Variants in ENTPD1 observed in about 807,000 individuals in gnomAD.
ENTPD1 encodes the protein ATP diphosphohydrolase.
In ENTPD1, 33 loss-of-function variants were observed where a neutral mutation model predicts 57.0. The observed-to-expected ratio is 0.58, with a 90% CI of 0.44 to 0.77. The LOEUF (loss-of-function observed/expected upper bound fraction) is 0.77. ENTPD1 is among the 30% of genes least tolerant of loss of function. ENTPD1 has a pLI of 0.00. For synonymous variants in ENTPD1, 202 were observed against 218.8 expected, an observed-to-expected ratio of 0.92 and a Z score of 0.68; for missense variants, 501 against 603.4, an observed-to-expected ratio of 0.83 and a Z score of 1.78.
At chr10:95,715,141 T>C (rs1017358046) in intron 1 of ENTPD1, among the ~76,000 whole-genome samples, 1 of 152,260 alleles carries the variant, frequency 6.6e-6, no homozygotes, top group African/African-American at 2.4e-5. Context: ...ATTTATTTTT[T>C]GTGAACTTTA....
intron 1 of ENTPD1, among the ~76,000 whole-genome samples, chr10:95,747,756 A>T (rs959500554): frequency 6.6e-6 from 1 of 152,182 alleles, no homozygotes; most frequent in African/African-American, 2.4e-5. Context: ...TTGCTGCCTG[A>T]TTATTACACA....
chr10:95,710,269 G>A (rs2097964473), upstream of ENTPD1, among the ~76,000 whole-genome samples: 1 of 152,060 alleles, frequency 6.6e-6, no homozygotes, highest in Admixed American at 6.5e-5. Context: ...GCCGGGTGTG[G>A]TGGTGCTGGC....
intron 7 of ENTPD1, among the ~76,000 whole-genome samples, chr10:95,856,543 C>T (rs1184663131): frequency 1.3e-5 from 2 of 152,006 alleles, no homozygotes; most frequent in African/African-American, 4.8e-5. Flanking sequence ...CACTTGCACA[C>T]ACATGTTCAC....
upstream of ENTPD1, among the ~76,000 whole-genome samples, chr10:95,710,455 C>A (rs1297627291): frequency 1.3e-5 from 2 of 151,952 alleles, no homozygotes; most frequent in East Asian, 3.9e-4. Flanking sequence ...TGTAATTTAT[C>A]TAAATTATTG....
At chr10:95,694,415 C>CT in the ENTPD1 span, among the ~76,000 whole-genome samples, 151 of 90,734 alleles carry the variant, frequency 1.7e-3, no homozygotes, top group East Asian at 0.019. Flanking sequence ...CTAAATATGG[C>CT]TTTTTTAAAA....
rs74491174 is a variant in ENTPD1, at chr10:95,832,539, A to G, written c.145-7152A>G. ...CTTCCTTGTCTACTCGTAACTGAAC[A>G]CTGGCAGTTAGTGGTTGTCAGATAT... is the stretch of plus-strand genomic sequence containing the variant. On this transcript the variant is annotated intron_variant, in intron 2 of 9. Transcript: ENST00000371205. Among the ~76,000 whole-genome samples, 669 of 152,226 alleles carry G rather than the reference A, an allele frequency of 4.4e-3. 2 individuals carry two copies. The highest frequency in any genetic ancestry group is 0.02 in the Middle Eastern group (6 of 294).
intron 1 of ENTPD1, among the ~76,000 whole-genome samples, chr10:95,734,822 T>A (rs1433579000): frequency 6.6e-6 from 1 of 152,192 alleles, no homozygotes; most frequent in East Asian, 1.9e-4. Flanking sequence ...TGTCAAGGCA[T>A]CATGGCACAC....
intron 2 of ENTPD1, among the ~76,000 whole-genome samples, chr10:95,829,747 C>T (rs538423336): frequency 6.6e-6 from 1 of 152,230 alleles, no homozygotes; most frequent in South Asian, 2.1e-4. Flanking sequence ...GTCTTAAGTG[C>T]TATGGCTTGA....
At chr10:95,805,132 T>C (rs944399384) in intron 1 of ENTPD1, among the ~76,000 whole-genome samples, 3 of 152,148 alleles carry the variant, frequency 2.0e-5, no homozygotes, top group African/African-American at 7.2e-5. Flanking sequence ...CTAAGTCTCT[T>C]TGTAGGTCTC....
At chr10:95,694,674 A>AT in the ENTPD1 span, among the ~76,000 whole-genome samples, 2 of 110,564 alleles carry the variant, frequency 1.8e-5, no homozygotes, top group African/African-American at 7.2e-5. Context: ...GAAATAGAAG[A>AT]TTTTTTTCCC....
In ENTPD1 at chr10:95,870,436, CCAT is replaced by C. The variant is rs1258050342; in HGVS notation, c.*4054_*4056del. 19 of 686,948 alleles carry C rather than the reference CCAT, an allele frequency of 2.8e-5. No homozygotes were observed. The highest frequency in any genetic ancestry group is 3.2e-5 in the Non-Finnish European group (18 of 558,030). 42.6% of individuals were successfully genotyped at this position (686,948 alleles called of 1,614,324 possible). On this transcript the variant is annotated 3_prime_UTR_variant, in exon 10 of 10. Coordinates refer to ENST00000371205, the MANE Select transcript of ENTPD1 (RefSeq NM_001776.6). ...TAGCTAGGACTACAGGTGTGCACCA[CCAT>C]GTCTAGCTATTTTTTTTTCTGTAGA...
At chr10:95,845,850 C>T in intron 6 of ENTPD1, 1 of 554,716 alleles carries the variant, frequency 1.8e-6, no homozygotes, top group Non-Finnish European at 3.2e-6. Flanking sequence ...AATAATTTCT[C>T]CCCCTCGTGG....
At chr10:95,842,794 T>C (rs568223627) in intron 4 of ENTPD1, among the ~76,000 whole-genome samples, 1 of 152,288 alleles carries the variant, frequency 6.6e-6, no homozygotes, top group African/African-American at 2.4e-5. Flanking sequence ...GGTTTGGGGC[T>C]ACAGATTTAA....
Position 95,866,937 on chromosome 10 carries a change from G to C in ENTPD1, c.*554G>C. 3 of 1,011,548 alleles carry C rather than the reference G, an allele frequency of 3.0e-6. No homozygotes were observed. The highest frequency in any genetic ancestry group is 3.6e-6 in the Non-Finnish European group (3 of 844,744). The allele number at this position is 1,011,548 out of a possible 1,614,324, so 62.7% of individuals were successfully genotyped here. On this transcript the variant is annotated 3_prime_UTR_variant, in exon 10 of 10. Coordinates refer to ENST00000371205, the MANE Select transcript of ENTPD1 (RefSeq NM_001776.6). ...GGCAAATATGTGCTAAAGCCAAAGA[G>C]TTTTATAAGGAAATATATGTGCTCA...
chr10:95,761,272 G>A (rs2098060840), intron 1 of ENTPD1, among the ~76,000 whole-genome samples: 1 of 152,212 alleles, frequency 6.6e-6, no homozygotes, highest in African/African-American at 2.4e-5. Context: ...TTTGGTGTGT[G>A]TGTGCATATG....
chr10:95,730,129 C>T (rs932319697), intron 1 of ENTPD1, among the ~76,000 whole-genome samples: 3 of 152,152 alleles, frequency 2.0e-5, no homozygotes, highest in Admixed American at 6.5e-5. Context: ...CTCAATCTCC[C>T]AGGCTCAAGT....
In ENTPD1 at chr10:95,869,692, CT is replaced by C. The variant is rs2098478375; in HGVS notation, c.*3311del. 2.1e-5 allele frequency: 20 copies of C among 956,602 alleles called. No homozygotes were observed. Among genetic ancestry groups the C allele is most frequent in the Non-Finnish European group, 2.2e-5 (18 of 803,808 alleles). 59.3% of individuals were successfully genotyped at this position (956,602 alleles called of 1,614,324 possible). On this transcript the variant is annotated 3_prime_UTR_variant, in exon 10 of 10. Transcript: ENST00000371205. ...GTAAATAAAATTTTTTAAAATTACA[CT>C]TCATTTTAATGTTGTATCAGTCAAG... is the stretch of plus-strand genomic sequence containing the variant.
At chr10:95,741,806 T>G (rs1000159684) in intron 1 of ENTPD1, among the ~76,000 whole-genome samples, 2 of 152,194 alleles carry the variant, frequency 1.3e-5, no homozygotes, top group Non-Finnish European at 2.9e-5. Context: ...GACAATCATC[T>G]TAGGTTAAGT....
chr10:95,711,001 C>G (rs1173278917), upstream of ENTPD1, among the ~76,000 whole-genome samples: 1 of 152,066 alleles, frequency 6.6e-6, no homozygotes, highest in East Asian at 1.9e-4. Flanking sequence ...CAGAACTGCC[C>G]TGGATCTTTA....
Sources: allele counts gnomAD v4.1 joint callset (sites outside exome capture counted in the v4.1 genomes callset), GRCh38; gene constraint gnomAD v4.1.1; transcripts MANE v1.5; gene names NCBI Gene and HGNC (gene_info 2026-07-23, HGNC 2026-07-21).